TINAG: variants seen among roughly 807,000 people sequenced by gnomAD.
TINAG encodes tubulointerstitial nephritis antigen.
TINAG carries 83 observed loss-of-function variants against 72.7 expected under a neutral mutation model. That is an observed-to-expected ratio of 1.14 (90% CI 0.96 to 1.37). TINAG has a LOEUF of 1.37. Among genes scored for constraint, TINAG ranks in the 40% most tolerant of loss-of-function variants. TINAG has a pLI of 0.00. For synonymous variants in TINAG, 234 were observed against 189.9 expected (o/e 1.23, Z -1.91); for missense variants, 685 against 576.6 (o/e 1.19, Z -1.93).
intron 4 of TINAG, among the ~76,000 whole-genome samples, chr6:54,330,064 A>G (rs1406991375): frequency 6.6e-6 from 1 of 152,148 alleles, no homozygotes; most frequent in African/African-American, 2.4e-5. Flanking sequence ...CAAACCAACA[A>G]GACAAAAAAT....
At chr6:54,343,091 A>C in intron 4 of TINAG, 135 bp from the exon 5 acceptor site, 1 of 711,732 alleles carries the variant, frequency 1.4e-6, no homozygotes, top group Non-Finnish European at 2.0e-6. Flanking sequence ...AATCCCACAT[A>C]GCTGTAGTTC....
intron 4 of TINAG, among the ~76,000 whole-genome samples, chr6:54,342,064 T>G (rs1041456947): frequency 4.4e-4 from 64 of 144,190 alleles, no homozygotes; most frequent in South Asian, 1.3e-3. Flanking sequence ...ATGATTGGGG[T>G]GTGTGTGTGT....
intron 3 of TINAG, among the ~76,000 whole-genome samples, chr6:54,321,637 A>T (rs1784493383): frequency 6.6e-6 from 1 of 152,078 alleles, no homozygotes; most frequent in South Asian, 2.1e-4. Context: ...TAGGTAAGGG[A>T]AGTGGAGGGA....
intron 3 of TINAG, among the ~76,000 whole-genome samples, chr6:54,323,862 T>G: frequency 6.6e-6 from 1 of 152,092 alleles, no homozygotes; most frequent in Non-Finnish European, 1.5e-5. Context: ...GTTGATGCAC[T>G]AGAATTGCTT....
At chr6:54,368,829 T>C (rs1763516361) in intron 9 of TINAG, among the ~76,000 whole-genome samples, 1 of 151,710 alleles carries the variant, frequency 6.6e-6, no homozygotes, top group African/African-American at 2.4e-5. Context: ...TTTTAAAAAC[T>C]ACTATTAAGT....
intron 4 of TINAG, among the ~76,000 whole-genome samples, chr6:54,330,681 A>G (rs530503623): frequency 6.6e-6 from 1 of 152,282 alleles, no homozygotes; most frequent in South Asian, 2.1e-4. Context: ...GTTTTTTGAA[A>G]AGATTAACAA....
intron 4 of TINAG, among the ~76,000 whole-genome samples, chr6:54,329,444 A>G (rs1038739699): frequency 1.3e-5 from 2 of 152,212 alleles, no homozygotes; most frequent in Admixed American, 1.3e-4. Flanking sequence ...AGTCACCACC[A>G]GGCTTGCCTT....
chr6:54,353,651 A>G (rs1785320688), intron 8 of TINAG, among the ~76,000 whole-genome samples: 1 of 151,822 alleles, frequency 6.6e-6, no homozygotes, highest in African/African-American at 2.4e-5. Context: ...AAAATGAAAC[A>G]AAAACTGGAA....
chr6:54,333,213 C>T (rs932979767), intron 4 of TINAG, among the ~76,000 whole-genome samples: 14 of 152,054 alleles, frequency 9.2e-5, no homozygotes, highest in African/African-American at 3.4e-4. Flanking sequence ...GACTTGGAAC[C>T]AACCCAAATG....
chr6:54,367,523 G>A (rs1763470959), intron 9 of TINAG, among the ~76,000 whole-genome samples: 2 of 151,652 alleles, frequency 1.3e-5, no homozygotes, highest in Non-Finnish European at 2.9e-5. Flanking sequence ...GTATATAGAA[G>A]CAAAGAGAAG....
At chr6:54,324,201 T>C (rs993281353) in intron 3 of TINAG, among the ~76,000 whole-genome samples, 2 of 152,304 alleles carry the variant, frequency 1.3e-5, no homozygotes, top group Non-Finnish European at 1.5e-5. Flanking sequence ...GCTTTTCATC[T>C]TTTCACATCA....
intron 9 of TINAG, among the ~76,000 whole-genome samples, chr6:54,364,877 T>A (rs1192959171): frequency 6.6e-6 from 1 of 151,440 alleles, no homozygotes; most frequent in Non-Finnish European, 1.5e-5. Context: ...TTAATGTATT[T>A]TTACCATATT....
intron 9 of TINAG, among the ~76,000 whole-genome samples, chr6:54,376,552 T>A (rs527385461): frequency 8.5e-4 from 129 of 152,260 alleles, no homozygotes; most frequent in Non-Finnish European, 1.4e-3. Context: ...GAAAAAAATA[T>A]CATTTAAAAT....
At chr6:54,346,753 G>A (rs567386841) in intron 5 of TINAG, among the ~76,000 whole-genome samples, 366 of 152,008 alleles carry the variant, frequency 2.4e-3, no homozygotes, top group Middle Eastern at 6.8e-3. Flanking sequence ...GCACAAAAGT[G>A]TGCTATGTAG....
At chr6:54,329,199 A>C (rs2150943377) in intron 4 of TINAG, among the ~76,000 whole-genome samples, 1 of 152,274 alleles carries the variant, frequency 6.6e-6, no homozygotes, top group South Asian at 2.1e-4. Context: ...AAAATGAAGG[A>C]AAAAATGTTA....
chr6:54,340,997 G>A (rs905637352), intron 4 of TINAG, among the ~76,000 whole-genome samples: 5 of 152,168 alleles, frequency 3.3e-5, no homozygotes, highest in Admixed American at 3.3e-4. Context: ...GCTTTCAAAT[G>A]TGGAGGTCAA....
chr6:54,349,712 A>G lies in TINAG; in HGVS notation c.900-4A>G, dbSNP rs1320998171. The G allele has an allele frequency of 6.4e-7, 1 of 1,554,002 alleles. No individual in the cohort carries two copies. Among genetic ancestry groups the G allele is most frequent in the Non-Finnish European group, 8.7e-7 (1 of 1,143,906 alleles). On this transcript the variant is annotated splice_polypyrimidine_tract_variant and splice_region_variant and intron_variant, in intron 6 of 10. Coordinates refer to ENST00000259782, the MANE Select transcript of TINAG (RefSeq NM_014464.4). ...ACCTTTGCTTCTTTGCTTATTCCTC[A>G]TAGACTGGTATCCCACGCATGCTAC...
chr6:54,338,296 C>A (rs978430583), intron 4 of TINAG, among the ~76,000 whole-genome samples: 7 of 152,104 alleles, frequency 4.6e-5, no homozygotes, highest in African/African-American at 1.7e-4. Context: ...TTATTATTTT[C>A]TTCTCTATGA....
At chr6:54,369,877 T>C (rs1763553069) in intron 9 of TINAG, 1 of 152,034 alleles carries the variant, frequency 6.6e-6, no homozygotes, top group Non-Finnish European at 1.5e-5. Flanking sequence ...TAGGTCCAGA[T>C]AGTTTAATCT....
Sources: gnomAD v4.1 joint callset for allele counts (sites outside exome capture counted in the v4.1 genomes callset) on GRCh38, gnomAD v4.1.1 for gene constraint, MANE v1.5 for transcripts, NCBI Gene and HGNC (gene_info 2026-07-23, HGNC 2026-07-21) for gene names.